JAM3: variants seen among roughly 807,000 people sequenced by gnomAD.
JAM3 encodes junctional adhesion molecule C.
JAM3 carries 31 observed loss-of-function variants against 39.4 expected under a neutral mutation model. The ratio of observed to expected loss-of-function variants is 0.79; its 90% CI spans 0.59 to 1.06. The LOEUF is 1.06. Among genes scored for constraint, JAM3 ranks in the 50% least tolerant of loss-of-function variants. The pLI is 0.00. For missense variants in JAM3, 455 were observed against 391.4 expected (o/e 1.16, Z -1.37); for synonymous variants, 182 against 148.7 (o/e 1.22, Z -1.63).
At chr11:134,148,403 T>C (rs1943118846) in intron 6 of JAM3, 144 bp from the exon 7 acceptor site, 1 of 887,440 alleles carries the variant, frequency 1.1e-6, no homozygotes, top group Non-Finnish European at 1.8e-6. Flanking sequence ...GGATTGTAAG[T>C]GTTCTCTCTT....
At chr11:134,125,887 C>T (rs1942639661) in intron 1 of JAM3, among the ~76,000 whole-genome samples, 1 of 152,202 alleles carries the variant, frequency 6.6e-6, no homozygotes, top group Non-Finnish European at 1.5e-5. Flanking sequence ...TCAGAAAAAG[C>T]ACCCCGATGG....
rs1316880274 is a variant in JAM3 at position 134,140,919 on chromosome 11, A to G, written c.256+149A>G. 6 of 1,066,708 alleles carry G rather than the reference A, an allele frequency of 5.6e-6. No homozygotes were observed. The Admixed American group carries it at 1.1e-4, about 20-fold the overall frequency. 66.1% of individuals were successfully genotyped at this position (1,066,708 alleles called of 1,614,324 possible). A position where few individuals can be genotyped will look rare whatever the true frequency, so the allele number is the denominator to read the frequency against. The stretch of plus-strand genomic sequence containing the variant: ...TTTTTAAAGATTTATAATTATGGAA[A>G]ATTTCAAATATATGCAAAAGTAATG... On this transcript the variant is annotated intron_variant, in intron 3 of 8. Coordinates refer to ENST00000299106, the MANE Select transcript of JAM3 (RefSeq NM_032801.5).
chr11:134,083,859 G>T (rs757913541), intron 1 of JAM3, among the ~76,000 whole-genome samples: 1 of 152,168 alleles, frequency 6.6e-6, no homozygotes, highest in South Asian at 2.1e-4. Context: ...GAAATCGCTG[G>T]ATTTGGCTTT....
In JAM3 at chr11:134,144,226, G is replaced by A. The variant is rs771087930; in HGVS notation, c.257-15G>A. On this transcript the variant is annotated splice_polypyrimidine_tract_variant and intron_variant, in intron 3 of 8. Coordinates refer to ENST00000299106, the MANE Select transcript of JAM3 (RefSeq NM_032801.5). ...CTTTAAAGAAGTTTTTTAGTGCCTCGTGTCTTTTCTGTAGGAGACTTGGCG... is the reference window on the plus strand; with the variant it reads ...CTTTAAAGAAGTTTTTTAGTGCCTCATGTCTTTTCTGTAGGAGACTTGGCG... The A allele has an allele frequency of 1.1e-5, 18 of 1,613,932 alleles. No individual in the cohort carries two copies. The highest frequency in any genetic ancestry group is 1.4e-5 in the Non-Finnish European group (16 of 1,179,962).
At chr11:134,145,763 G>A (rs1028877000) in intron 5 of JAM3, among the ~76,000 whole-genome samples, 183 bp from the exon 6 acceptor site, 1 of 152,226 alleles carries the variant, frequency 6.6e-6, no homozygotes, top group Admixed American at 6.5e-5. Context: ...GTCCCAAGGG[G>A]ATTGGTTGTT....
At chr11:134,070,120 G>T (rs1206797614) in intron 1 of JAM3, 1 of 455,822 alleles carries the variant, frequency 2.2e-6, no homozygotes, top group African/African-American at 2.0e-5. Context: ...CCATTATCTC[G>T]TTTACTCCTT....
chr11:134,107,470 A>T (rs470409), intron 1 of JAM3, among the ~76,000 whole-genome samples: 68,040 of 151,834 alleles, frequency 0.45, 18,134 homozygotes, highest in African/African-American at 0.76. Flanking sequence ...ACCCTAGAAC[A>T]TAAAGTATAA....
In JAM3 at chr11:134,144,922, G is replaced by A. The variant is rs1246845989; in HGVS notation, c.540G>A (p.Leu180=). The change falls in exon 5 of 9, where the codon CTG becomes CTA. Residue 180 remains leucine, a synonymous_variant. Transcript: ENST00000299106. ...GCTGGTATCGCAATGATGTACCACT[G>A]CCCACGGATTCCAGAGCCAATCCCA... The part of the protein sequence containing the change: ...HYSWYRNDVP[L]PTDSRANPRF... 1.2e-6 allele frequency: 2 copies of A among 1,614,166 alleles called. No homozygotes were observed. Among genetic ancestry groups the A allele is most frequent in the African/African-American group, 2.7e-5 (2 of 75,034 alleles).
rs570136739 is a variant in JAM3 at position 134,121,511 on chromosome 11, G to A, written c.77-18340G>A. 2.9e-4 allele frequency among the ~76,000 whole-genome samples: 43 copies of A among 150,800 alleles called. No homozygotes were observed. In the South Asian group the frequency reaches 9.1e-3, roughly 32 times the overall value. The stretch of plus-strand genomic sequence containing the variant: ...TTGAGCATGTAAAACATGTTTTGTT[G>A]TTCTTTAAAAGGGTTCAGGGTTTGG... On this transcript the variant is annotated intron_variant, in intron 1 of 8. Coordinates refer to ENST00000299106, the MANE Select transcript of JAM3 (RefSeq NM_032801.5).
At chr11:134,125,962 C>G (rs575909439) in intron 1 of JAM3, among the ~76,000 whole-genome samples, 2 of 152,184 alleles carry the variant, frequency 1.3e-5, no homozygotes, top group African/African-American at 4.8e-5. Context: ...TTCACACTTG[C>G]TCTATGTCAA....
At chr11:134,099,992 CAAT>C (rs1448861761) in intron 1 of JAM3, among the ~76,000 whole-genome samples, 1 of 152,176 alleles carries the variant, frequency 6.6e-6, no homozygotes, top group African/African-American at 2.4e-5. Context: ...ACTTTTAAGT[CAAT>C]GTGTGCTATT....
Position 134,104,970 on chromosome 11 carries a change from A to T in JAM3, c.77-34881A>T, listed in dbSNP as rs966072094. Among the ~76,000 whole-genome samples the T allele has an allele frequency of 2.0e-5, 3 of 152,214 alleles. No homozygotes were observed. The East Asian group carries it at 5.8e-4, about 29-fold the overall frequency. On this transcript the variant is annotated intron_variant, in intron 1 of 8. Transcript: ENST00000299106. Reference sequence around the variant, plus strand: ...CATTCCTTCTGAAACTATTCCAATCAATAGAAAAAGAGGGAATCCTCCCTA... The same window carrying T: ...CATTCCTTCTGAAACTATTCCAATCTATAGAAAAAGAGGGAATCCTCCCTA...
intron 1 of JAM3, among the ~76,000 whole-genome samples, chr11:134,122,661 TAAC>T (rs1215912967): frequency 2.6e-5 from 4 of 152,318 alleles, no homozygotes; most frequent in South Asian, 4.1e-4. Context: ...AACCTAGTAA[TAAC>T]AAGGCAATCA....
intron 3 of JAM3, among the ~76,000 whole-genome samples, chr11:134,143,789 G>A (rs1256778709): frequency 2.0e-5 from 3 of 152,224 alleles, no homozygotes; most frequent in African/African-American, 7.2e-5. Flanking sequence ...ATTTTTCTAA[G>A]AGTTTTATAG....
intron 1 of JAM3, among the ~76,000 whole-genome samples, chr11:134,133,358 G>C (rs149294506): frequency 6.6e-6 from 1 of 152,104 alleles, no homozygotes; most frequent in Non-Finnish European, 1.5e-5. Flanking sequence ...AGTGGGCATC[G>C]TTGTCTTGTT....
intron 1 of JAM3, among the ~76,000 whole-genome samples, chr11:134,114,082 T>G (rs1368154086): frequency 6.6e-6 from 1 of 152,194 alleles, no homozygotes; most frequent in Non-Finnish European, 1.5e-5. Context: ...CATTGTAGAT[T>G]CTGGATATTA....
rs1291108214 is a variant in JAM3 at position 134,134,414 on chromosome 11, A to C, written c.77-5437A>C. On this transcript the variant is annotated intron_variant, in intron 1 of 8. Transcript: ENST00000299106. ...GATAAATGCCAAAAAAAAAAAAAAA[A>C]AAAAAAAACATCTAGGCATATCATA... is the stretch of plus-strand genomic sequence containing the variant. 3.3e-5 allele frequency among the ~76,000 whole-genome samples: 5 copies of C among 151,460 alleles called. No homozygotes were observed. In the East Asian group the frequency reaches 7.7e-4, roughly 23 times the overall value.
At chr11:134,128,627 C>G (rs572177368) in intron 1 of JAM3, among the ~76,000 whole-genome samples, 53 of 152,212 alleles carry the variant, frequency 3.5e-4, no homozygotes, top group Non-Finnish European at 5.9e-4. Context: ...TATTCGCTCA[C>G]TCGTGTGCAT....
intron 1 of JAM3, among the ~76,000 whole-genome samples, chr11:134,108,600 CA>C (rs1179982768): frequency 6.6e-6 from 1 of 152,032 alleles, no homozygotes; most frequent in Non-Finnish European, 1.5e-5. Flanking sequence ...AAAACAAAAA[CA>C]AAAACCAACC....
Sources: allele counts gnomAD v4.1 joint callset (sites outside exome capture counted in the v4.1 genomes callset), GRCh38; gene constraint gnomAD v4.1.1; transcripts MANE v1.5; gene names NCBI Gene and HGNC (gene_info 2026-07-23, HGNC 2026-07-21).